Variants in LINGO2 observed in about 807,000 individuals in gnomAD.
LINGO2 encodes leucine rich repeat and Ig domain containing 2, also known as leucine-rich repeat and immunoglobulin-like domain-containing nogo receptor-interacting protein 2.
LINGO2 carries 14 observed loss-of-function variants against 30.6 expected under a neutral mutation model. The observed-to-expected ratio is 0.46, with a 90% CI of 0.30 to 0.72. The LOEUF (loss-of-function observed/expected upper bound fraction) is 0.72, where lower values mean the gene tolerates loss of function less well. Ranked by LOEUF, LINGO2 falls within the 30% of genes least tolerant of loss-of-function variation. The pLI, the probability that LINGO2 is intolerant of heterozygous loss-of-function variation, is 0.07. For missense variants in LINGO2, 729 were observed against 751.7 expected, an observed-to-expected ratio of 0.97 and a Z score of 0.35; for synonymous variants, 317 against 288.5, an observed-to-expected ratio of 1.10 and a Z score of -1.00.
At chr9:27,948,578 C>A in exon 6 of LINGO2, 1 of 363,126 alleles carries the variant, frequency 2.8e-6, no homozygotes, top group East Asian at 4.5e-5. Context: ...TGAGTGTGAG[C>A]CAAATATTCA....
At chr9:29,185,249 T>A in the LINGO2 span, among the ~76,000 whole-genome samples, 1 of 151,948 alleles carries the variant, frequency 6.6e-6, no homozygotes, top group East Asian at 1.9e-4. Context: ...CTTTCAACAC[T>A]AAGGTCAGAA....
chr9:29,038,021 G>T, the LINGO2 span, among the ~76,000 whole-genome samples: 1 of 151,960 alleles, frequency 6.6e-6, no homozygotes, highest in Non-Finnish European at 1.5e-5. Context: ...ACTTCATAAA[G>T]TATTTATGTT....
At chr9:28,862,907 G>T in the LINGO2 span, among the ~76,000 whole-genome samples, 1 of 152,112 alleles carries the variant, frequency 6.6e-6, no homozygotes, top group Non-Finnish European at 1.5e-5. Flanking sequence ...CCTGATGACA[G>T]AAATGACCAC....
intron 2 of LINGO2, among the ~76,000 whole-genome samples, chr9:28,431,818 A>G (rs774764612): frequency 1.3e-5 from 2 of 152,200 alleles, no homozygotes; most frequent in Non-Finnish European, 2.9e-5. Flanking sequence ...GTGAATTCCA[A>G]TTTAGGCTGA....
intron 4 of LINGO2, among the ~76,000 whole-genome samples, chr9:28,271,157 A>T (rs1183809555): frequency 2.6e-5 from 3 of 116,828 alleles, no homozygotes; most frequent in Non-Finnish European, 3.8e-5. Flanking sequence ...AGAAAAAAGT[A>T]AAAAAAAAAA....
chr9:28,408,535 C>A (rs1376944337), intron 2 of LINGO2, among the ~76,000 whole-genome samples: 1 of 150,618 alleles, frequency 6.6e-6, no homozygotes, highest in African/African-American at 2.4e-5. Context: ...AAACCAAACA[C>A]TGCATGTTCT....
the LINGO2 span, among the ~76,000 whole-genome samples, chr9:29,104,334 T>C: frequency 6.6e-6 from 1 of 151,984 alleles, no homozygotes; most frequent in Admixed American, 6.6e-5. Flanking sequence ...TCTCCTTGTT[T>C]AAAAGTGTGT....
downstream of LINGO2, among the ~76,000 whole-genome samples, chr9:27,945,824 G>A (rs933982097): frequency 6.6e-6 from 1 of 152,086 alleles, no homozygotes; most frequent in African/African-American, 2.4e-5. Flanking sequence ...CTCAGATAGT[G>A]AGAGTGTAGA....
chr9:28,784,215 A>G, the LINGO2 span, among the ~76,000 whole-genome samples: 157 of 152,328 alleles, frequency 1.0e-3, 1 homozygote, highest in African/African-American at 3.5e-3. Flanking sequence ...GTGTGTTTAT[A>G]TTTTGTTAAT....
chr9:28,541,800 T>C (rs1402228539), intron 1 of LINGO2, among the ~76,000 whole-genome samples: 3 of 152,148 alleles, frequency 2.0e-5, no homozygotes, highest in Non-Finnish European at 4.4e-5. Context: ...TTCTTGAATA[T>C]GGTAAATCAG....
At chr9:28,956,955 T>A in the LINGO2 span, among the ~76,000 whole-genome samples, 1 of 151,846 alleles carries the variant, frequency 6.6e-6, no homozygotes, top group Non-Finnish European at 1.5e-5. Flanking sequence ...GGAAACAATT[T>A]ATGAAATGCC....
the LINGO2 span, among the ~76,000 whole-genome samples, chr9:28,765,302 CAGAT>C: frequency 3.3e-5 from 5 of 152,032 alleles, no homozygotes; most frequent in Non-Finnish European, 2.9e-5. Flanking sequence ...TTAAAACAGA[CAGAT>C]AGTCCAATAG....
the LINGO2 span, among the ~76,000 whole-genome samples, chr9:29,157,741 C>T: frequency 1.8e-3 from 274 of 152,144 alleles, 1 homozygote; most frequent in Admixed American, 4.7e-3. Context: ...AATAATATCT[C>T]GGCTTGTATA....
At chr9:28,700,714 A>G in the LINGO2 span, among the ~76,000 whole-genome samples, 1 of 152,086 alleles carries the variant, frequency 6.6e-6, no homozygotes, top group Non-Finnish European at 1.5e-5. Flanking sequence ...TTCATTTTAT[A>G]AGAAACTTCC....
intron 4 of LINGO2, among the ~76,000 whole-genome samples, chr9:28,246,423 T>A (rs1822001777): frequency 1.3e-5 from 2 of 151,762 alleles, no homozygotes; most frequent in Non-Finnish European, 2.9e-5. Context: ...TGAGACTCCA[T>A]CTCAAAAAAA....
chr9:27,953,768 C>G (rs1186316196), intron 5 of LINGO2, among the ~76,000 whole-genome samples: 1 of 151,884 alleles, frequency 6.6e-6, no homozygotes. Context: ...ATCACCCAGT[C>G]TTGGGTATTT....
the LINGO2 span, among the ~76,000 whole-genome samples, chr9:29,029,562 C>A: frequency 6.6e-6 from 1 of 152,062 alleles, no homozygotes; most frequent in Non-Finnish European, 1.5e-5. Flanking sequence ...AGAATGAATA[C>A]TTCTTGTTTG....
chr9:28,377,192 C>T (rs1821163102), intron 2 of LINGO2, among the ~76,000 whole-genome samples: 1 of 152,130 alleles, frequency 6.6e-6, no homozygotes, highest in South Asian at 2.1e-4. Context: ...CCTGCTTCCC[C>T]TTCCACCTCC....
At chr9:28,110,472 G>A (rs1219796991) in intron 4 of LINGO2, among the ~76,000 whole-genome samples, 1 of 152,172 alleles carries the variant, frequency 6.6e-6, no homozygotes, top group Non-Finnish European at 1.5e-5. Flanking sequence ...TACAGAATGG[G>A]ATAAAAGTTT....
Sources: allele counts gnomAD v4.1 joint callset (sites outside exome capture counted in the v4.1 genomes callset), GRCh38; gene constraint gnomAD v4.1.1; transcripts MANE v1.5; gene names NCBI Gene and HGNC (gene_info 2026-07-23, HGNC 2026-07-21).